RIMS4: variants seen among roughly 807,000 people sequenced by gnomAD.
RIMS4 encodes the protein regulating synaptic membrane exocytosis protein 4.
Under a neutral mutation model 29.0 loss-of-function variants are expected in RIMS4, and 9 were observed. That is an observed-to-expected ratio of 0.31 (90% CI 0.19 to 0.54). The LOEUF (loss-of-function observed/expected upper bound fraction) is 0.54. RIMS4 is among the 20% of genes least tolerant of loss of function. RIMS4 has a pLI of 0.94. For synonymous variants in RIMS4, 130 were observed against 152.9 expected (o/e 0.85, Z 1.10); for missense variants, 193 against 365.7 (o/e 0.53, Z 3.85).
At chr20:44,790,278 A>G (rs1020745299) in intron 1 of RIMS4, among the ~76,000 whole-genome samples, 1 of 152,226 alleles carries the variant, frequency 6.6e-6, no homozygotes, top group African/African-American at 2.4e-5. Flanking sequence ...CGGAGCCACT[A>G]AAGGAACTCA....
chr20:44,768,094 C>T (rs920565973), intron 2 of RIMS4, among the ~76,000 whole-genome samples: 5 of 152,200 alleles, frequency 3.3e-5, no homozygotes, highest in African/African-American at 1.2e-4. Flanking sequence ...ACCCAACCCA[C>T]AGGCACCCCT....
intron 1 of RIMS4, among the ~76,000 whole-genome samples, chr20:44,804,471 C>T (rs1426911894): frequency 6.6e-6 from 1 of 152,144 alleles, no homozygotes; most frequent in African/African-American, 2.4e-5. Flanking sequence ...CTTTTGAGCA[C>T]ATTCACCAAA....
intron 1 of RIMS4, among the ~76,000 whole-genome samples, chr20:44,773,048 C>G (rs1261250379): frequency 6.6e-6 from 1 of 152,156 alleles, no homozygotes; most frequent in Admixed American, 6.5e-5. Context: ...GTTATTCAGA[C>G]ACACAGACAC....
At chr20:44,804,833 T>G (rs2066291650) in intron 1 of RIMS4, among the ~76,000 whole-genome samples, 1 of 151,038 alleles carries the variant, frequency 6.6e-6, no homozygotes, top group Non-Finnish European at 1.5e-5. Flanking sequence ...GAGCCAGGAG[T>G]CTAGGGGATT....
intron 1 of RIMS4, among the ~76,000 whole-genome samples, chr20:44,796,070 A>G (rs965202137): frequency 6.6e-6 from 1 of 150,780 alleles, no homozygotes; most frequent in Admixed American, 6.6e-5. Flanking sequence ...CTGTGTTCAC[A>G]GCATCCTGTC....
At chr20:44,761,314 CTGCA>C (rs939902488) in intron 2 of RIMS4, among the ~76,000 whole-genome samples, 1 of 152,202 alleles carries the variant, frequency 6.6e-6, no homozygotes, top group Non-Finnish European at 1.5e-5. Context: ...GACACAGGTA[CTGCA>C]TGGCCCCACC....
At position 44,756,837 on chromosome 20, in the gene RIMS4, C is replaced by A; in HGVS notation, c.591+61G>T. ...CCGCCAGGGGTGCCCTCCTCTCATTCTGGTACTGTGCATGTGTGCTCGTGC... is the reference window on the plus strand; with the variant it reads ...CCGCCAGGGGTGCCCTCCTCTCATTATGGTACTGTGCATGTGTGCTCGTGC... On this transcript the variant is annotated intron_variant, in intron 5 of 5. Coordinates refer to ENST00000372851, the MANE Select transcript of RIMS4 (RefSeq NM_182970.4). This position sits in a 1 kb window ranked among gnomAD's most constrained non-coding sequence, Gnocchi z 5.9. 6.4e-7 allele frequency: 1 copy of A among 1,555,756 alleles called. No homozygotes were observed. The highest frequency in any genetic ancestry group is 1.2e-5 in the South Asian group (1 of 80,718).
intron 1 of RIMS4, among the ~76,000 whole-genome samples, chr20:44,804,070 C>A (rs1419101622): frequency 2.0e-5 from 3 of 152,156 alleles, no homozygotes; most frequent in African/African-American, 7.2e-5. Flanking sequence ...GTCAAACACA[C>A]CTGGGTTTGA....
At chr20:44,780,090 A>G (rs745795084) in intron 1 of RIMS4, among the ~76,000 whole-genome samples, 7 of 152,332 alleles carry the variant, frequency 4.6e-5, no homozygotes, top group Non-Finnish European at 8.8e-5. Context: ...AATACTGGCT[A>G]TTACTATTAA....
At position 44,753,525 on chromosome 20, in the gene RIMS4, G is replaced by A. The variant is rs1011150476; in HGVS notation, c.*2609C>T. Reference sequence around the variant, plus strand: ...AGATTGAAAACAGTCATCCCCTGGAGACCCCAGCCCCCCAGTGGCCCCTAG... The same window carrying A: ...AGATTGAAAACAGTCATCCCCTGGAAACCCCAGCCCCCCAGTGGCCCCTAG... On this transcript the variant is annotated 3_prime_UTR_variant, in exon 6 of 6. Coordinates refer to ENST00000372851, the MANE Select transcript of RIMS4 (RefSeq NM_182970.4). The A allele has an allele frequency of 7.2e-5, 11 of 152,402 alleles. No individual in the cohort carries two copies. Among genetic ancestry groups the A allele is most frequent in the African/African-American group, 2.2e-4 (9 of 41,424 alleles). 9.4% of individuals were successfully genotyped at this position (152,402 alleles called of 1,614,324 possible).
intron 1 of RIMS4, among the ~76,000 whole-genome samples, chr20:44,796,864 G>C (rs769367530): frequency 2.3e-4 from 35 of 152,358 alleles, no homozygotes; most frequent in Non-Finnish European, 4.8e-4. Flanking sequence ...TACAACACTT[G>C]TTTCCTGTGT....
At chr20:44,785,230 CTT>C (rs530864017) in intron 1 of RIMS4, among the ~76,000 whole-genome samples, 4 of 142,872 alleles carry the variant, frequency 2.8e-5, no homozygotes, top group Admixed American at 7.0e-5. Flanking sequence ...CATTCTTCTT[CTT>C]TTTTTTTTTT....
chr20:44,797,753 C>T (rs1351826780), intron 1 of RIMS4, among the ~76,000 whole-genome samples: 1 of 152,218 alleles, frequency 6.6e-6, no homozygotes, highest in African/African-American at 2.4e-5. Flanking sequence ...CACATTGTCT[C>T]CTCAGCAAAG....
At chr20:44,777,193 G>T (rs1342161174) in intron 1 of RIMS4, among the ~76,000 whole-genome samples, 2 of 152,096 alleles carry the variant, frequency 1.3e-5, no homozygotes, top group Non-Finnish European at 2.9e-5. Flanking sequence ...TCAGCACCAG[G>T]GATAGCGCCC....
rs1186589933 is a variant in RIMS4, at chr20:44,810,492, T to TGGCGGCGGC, written c.-230_-222dup. On this transcript the variant is annotated 5_prime_UTR_variant, in exon 1 of 6. Coordinates refer to ENST00000372851, the MANE Select transcript of RIMS4 (RefSeq NM_182970.4). Reference sequence around the variant, plus strand: ...CGGAGCCCGAGGCGCGCTGTGCTGCTGGCGGCGGCGGCGGCGGCGGCGGTG... The same window carrying TGGCGGCGGC: ...CGGAGCCCGAGGCGCGCTGTGCTGCTGGCGGCGGCGGCGGCGGCGGCGGCGGCGGCGGTG... 0.026 allele frequency among the ~76,000 whole-genome samples: 3,628 copies of TGGCGGCGGC among 138,520 alleles called. 62 individuals are homozygous for TGGCGGCGGC. The highest frequency in any genetic ancestry group is 0.077 in the Admixed American group (1,091 of 14,140). 90.9% of individuals were successfully genotyped at this position (138,520 alleles called of 152,430 possible). A position where few individuals can be genotyped will look rare whatever the true frequency, so the allele number is the denominator to read the frequency against.
At chr20:44,799,370 T>G (rs2145477891) in intron 1 of RIMS4, among the ~76,000 whole-genome samples, 1 of 151,770 alleles carries the variant, frequency 6.6e-6, no homozygotes, top group Middle Eastern at 3.4e-3. Flanking sequence ...AGCTGCCCAG[T>G]TTGGGGGTCC....
At chr20:44,758,213 C>T in intron 2 of RIMS4, 29 bp from the exon 3 acceptor site, 2 of 1,522,590 alleles carry the variant, frequency 1.3e-6, no homozygotes, top group South Asian at 1.2e-5. Context: ...AGACAAAGCA[C>T]ACATTCCCAG....
intron 2 of RIMS4, 102 bp downstream of exon 2, chr20:44,771,173 G>A: frequency 1.4e-6 from 2 of 1,380,238 alleles, no homozygotes; most frequent in Non-Finnish European, 1.9e-6. Context: ...CGCTTTCACA[G>A]CCTGGAGCTG....
At chr20:44,783,199 T>C (rs527464276) in intron 1 of RIMS4, among the ~76,000 whole-genome samples, 11 of 152,324 alleles carry the variant, frequency 7.2e-5, no homozygotes, top group Non-Finnish European at 5.9e-5. Flanking sequence ...CAAACAAAGC[T>C]GCACACAAAT....
Sources: gnomAD v4.1 joint callset for allele counts (sites outside exome capture counted in the v4.1 genomes callset) on GRCh38, gnomAD v4.1.1 for gene constraint, Gnocchi (gnomAD v3.1) non-coding constraint, MANE v1.5 for transcripts, NCBI Gene and HGNC (gene_info 2026-07-23, HGNC 2026-07-21) for gene names.